The following RAB10 variants were observed in gnomAD, a reference collection of about 807,000 sequenced individuals.
RAB10 encodes RAB10, member RAS oncogene family.
In RAB10, 5 loss-of-function variants were observed where a neutral mutation model predicts 25.7. The observed-to-expected ratio is 0.19, with a 90% CI of 0.10 to 0.41. The LOEUF is 0.41. RAB10 is among the 10% of genes least tolerant of loss of function. The probability of loss-of-function intolerance (pLI) is 1.00; values close to 1 mark genes in which losing one functional copy is unlikely to be tolerated. For synonymous variants in RAB10, 89 were observed against 86.4 expected (o/e 1.03, Z -0.16); for missense variants, 103 against 245.8 (o/e 0.42, Z 3.89).
At position 26,034,755 on chromosome 2, in the gene RAB10, G is replaced by A. The variant is rs1252202183; in HGVS notation, c.127+20G>A. ...CCATAGGTAAGACCTGTGGGAGGAC[G>A]GTGTACGGTCTCGGTAGCTGCATAC... is the stretch of plus-strand genomic sequence containing the variant. On this transcript the variant is annotated intron_variant, in intron 1 of 5. Coordinates refer to ENST00000264710, the MANE Select transcript of RAB10 (RefSeq NM_016131.5). 5.6e-6 allele frequency: 9 copies of A among 1,613,830 alleles called. No individual in the cohort carries two copies. In the Admixed American group the frequency reaches 8.3e-5, roughly 15 times the overall value.
At chr2:26,038,879 C>T (rs1159989909) in intron 1 of RAB10, among the ~76,000 whole-genome samples, 3 of 144,034 alleles carry the variant, frequency 2.1e-5, no homozygotes, top group Non-Finnish European at 4.5e-5. Context: ...GAGCCGAGGT[C>T]GCACTACTGC....
At chr2:26,120,903 A>G (rs1045189727) in intron 3 of RAB10, among the ~76,000 whole-genome samples, 2 of 148,632 alleles carry the variant, frequency 1.3e-5, no homozygotes, top group African/African-American at 5.0e-5. Context: ...GAGTTTCTTT[A>G]TAGTATATTA....
At chr2:26,074,052 G>A (rs888214495) in intron 1 of RAB10, among the ~76,000 whole-genome samples, 6 of 152,228 alleles carry the variant, frequency 3.9e-5, no homozygotes, top group Non-Finnish European at 5.9e-5. Context: ...TAGTAGAAAC[G>A]TCAGCAAGAT....
intron 1 of RAB10, among the ~76,000 whole-genome samples, chr2:26,084,040 C>T (rs1666925346): frequency 1.3e-5 from 2 of 152,164 alleles, no homozygotes; most frequent in South Asian, 2.1e-4. Context: ...GCTCACATCA[C>T]TCTGCTCAAA....
chr2:26,064,573 G>A (rs1368955840), intron 1 of RAB10, among the ~76,000 whole-genome samples: 1 of 152,026 alleles, frequency 6.6e-6, no homozygotes, highest in East Asian at 1.9e-4. Context: ...TCAAACTCCT[G>A]AGCTCAAGTG....
intron 2 of RAB10, 31 bp from the exon 3 acceptor site, chr2:26,109,737 C>A (rs767730693): frequency 6.6e-7 from 1 of 1,520,388 alleles, no homozygotes; most frequent in East Asian, 2.5e-5. Flanking sequence ...TATCAAAATG[C>A]TTAATAGAAA....
At chr2:26,070,629 A>G (rs1054160153) in intron 1 of RAB10, among the ~76,000 whole-genome samples, 8 of 152,214 alleles carry the variant, frequency 5.3e-5, no homozygotes, top group East Asian at 3.8e-4. Flanking sequence ...TAATATGACA[A>G]ATATATCAGA....
At chr2:26,103,323 A>T (rs545367188) in intron 2 of RAB10, among the ~76,000 whole-genome samples, 6 of 152,234 alleles carry the variant, frequency 3.9e-5, no homozygotes, top group Non-Finnish European at 8.8e-5. Context: ...GAAACCAGTC[A>T]TATGCAGGTA....
intron 5 of RAB10, among the ~76,000 whole-genome samples, chr2:26,128,439 T>C (rs1198922795): frequency 6.6e-6 from 1 of 152,218 alleles, no homozygotes; most frequent in Non-Finnish European, 1.5e-5. Flanking sequence ...GAAAGCCATC[T>C]AGAAATCTGA....
Position 26,054,017 on chromosome 2 carries a change from T to C in RAB10, c.127+19282T>C, listed in dbSNP as rs190759919. On this transcript the variant is annotated intron_variant, in intron 1 of 5. Coordinates refer to ENST00000264710, the MANE Select transcript of RAB10 (RefSeq NM_016131.5). ...ACACCCGGCTTCTTTTTCTTTCTTT[T>C]TTTTTTTTTTCCCTTCTGTTCTTTT... is the stretch of plus-strand genomic sequence containing the variant. Among the ~76,000 whole-genome samples the C allele has an allele frequency of 5.9e-3, 892 of 150,764 alleles. 11 individuals are homozygous for C. The highest frequency in any genetic ancestry group is 0.021 in the African/African-American group (858 of 41,166).
intron 2 of RAB10, among the ~76,000 whole-genome samples, chr2:26,101,158 T>C (rs1470294232): frequency 3.3e-5 from 5 of 152,216 alleles, no homozygotes; most frequent in African/African-American, 7.2e-5. Context: ...GGTAGGAATA[T>C]AAGCATAAAT....
intron 1 of RAB10, among the ~76,000 whole-genome samples, chr2:26,050,450 G>A (rs1451143848): frequency 1.3e-5 from 2 of 151,940 alleles, no homozygotes; most frequent in African/African-American, 2.4e-5. Flanking sequence ...TCATAATTAC[G>A]TACCTTGGTA....
chr2:26,114,163 T>C (rs990058135), intron 3 of RAB10, among the ~76,000 whole-genome samples: 1 of 152,194 alleles, frequency 6.6e-6, no homozygotes, highest in Non-Finnish European at 1.5e-5. Context: ...CAAAGTGATC[T>C]ACAGATTTAG....
intron 1 of RAB10, among the ~76,000 whole-genome samples, chr2:26,090,935 C>T (rs549574280): frequency 1.5e-5 from 1 of 67,498 alleles, no homozygotes; most frequent in Admixed American, 1.6e-4. Flanking sequence ...CCCTGTCTCC[C>T]CCCCCAAAAA....
rs1393558167 is a variant in RAB10 at position 26,115,064 on chromosome 2, T to C, written c.327+5158T>C. On this transcript the variant is annotated intron_variant, in intron 3 of 5. Coordinates refer to ENST00000264710, the MANE Select transcript of RAB10 (RefSeq NM_016131.5). Reference sequence around the variant, plus strand: ...GAAAGTAAAAAGCCAACCCACAGAATGGAAGAAAAGAGGACAGACTCTAAC... The same window carrying C: ...GAAAGTAAAAAGCCAACCCACAGAACGGAAGAAAAGAGGACAGACTCTAAC... Among the ~76,000 whole-genome samples the C allele has an allele frequency of 2.6e-5, 4 of 152,236 alleles. No individual in the cohort carries two copies. The East Asian group carries it at 7.7e-4, about 29-fold the overall frequency.
chr2:26,038,196 TTTG>T (rs1377378557), intron 1 of RAB10, among the ~76,000 whole-genome samples: 11 of 149,542 alleles, frequency 7.4e-5, no homozygotes, highest in South Asian at 2.1e-4. Flanking sequence ...CCTTTGTTTG[TTTG>T]TTTTTTTTTT....
chr2:26,092,315 G>A (rs1005769473), intron 1 of RAB10, among the ~76,000 whole-genome samples: 7 of 49,652 alleles, frequency 1.4e-4, no homozygotes, highest in African/African-American at 4.3e-4. Context: ...GTGTGTGTGT[G>A]TGTGTGTTGG....
At chr2:26,117,619 C>CA (rs71399361) in intron 3 of RAB10, among the ~76,000 whole-genome samples, 367 of 33,980 alleles carry the variant, frequency 0.011, 4 homozygotes, top group African/African-American at 0.033. Context: ...GACTCCGTCT[C>CA]AAAAAAAAAA....
intron 3 of RAB10, among the ~76,000 whole-genome samples, chr2:26,111,352 C>T (rs1288636690): frequency 1.3e-5 from 2 of 152,204 alleles, no homozygotes; most frequent in East Asian, 1.9e-4. Context: ...CGCCTGTAAT[C>T]CCAGCACTCT....
Sources: gnomAD v4.1 joint callset for allele counts (sites outside exome capture counted in the v4.1 genomes callset) on GRCh38, gnomAD v4.1.1 for gene constraint, MANE v1.5 for transcripts, NCBI Gene and HGNC (gene_info 2026-07-23, HGNC 2026-07-21) for gene names.